Variants in REL observed in about 807,000 individuals in gnomAD.
REL encodes the protein proto-oncogene c-Rel.
In REL, 15 loss-of-function variants were observed where a neutral mutation model predicts 45.9. The ratio of observed to expected loss-of-function variants is 0.33; its 90% CI spans 0.22 to 0.50. The LOEUF is 0.50. REL is among the 20% of genes least tolerant of loss of function. The probability of loss-of-function intolerance (pLI) is 0.98; values close to 1 mark genes in which losing one functional copy is unlikely to be tolerated. For missense variants in REL, 601 were observed against 715.2 expected (o/e 0.84, Z 1.82); for synonymous variants, 239 against 242.1 (o/e 0.99, Z 0.12).
At position 60,926,534 on chromosome 2, in the gene REL, GATTT is replaced by G. The variant is rs1674271985; in HGVS notation, c.*4004_*4007del. On this transcript the variant is annotated 3_prime_UTR_variant, in exon 10 of 10. Transcript: ENST00000394479. The stretch of plus-strand genomic sequence containing the variant: ...TGTGGTAGTCAAGATTCCTCCCTGA[GATTT>G]ATTTCCCATGAGTCTTGACCCCTCC... The G allele has an allele frequency of 4.3e-6, 1 of 231,700 alleles. No homozygotes were observed. Among genetic ancestry groups the G allele is most frequent in the South Asian group, 1.8e-4 (1 of 5,500 alleles). The allele number at this position is 231,700 out of a possible 1,614,324, so 14.4% of individuals were successfully genotyped here. A position where few individuals can be genotyped will look rare whatever the true frequency, so the allele number is the denominator to read the frequency against.
chr2:60,912,499 C>G (rs574067539), intron 4 of REL, among the ~76,000 whole-genome samples: 1 of 152,158 alleles, frequency 6.6e-6, no homozygotes, highest in African/African-American at 2.4e-5. Flanking sequence ...CTATAGACAT[C>G]ATCCTAGAAG....
chr2:60,888,907 A>G (rs1317391908), intron 1 of REL, among the ~76,000 whole-genome samples: 1 of 152,200 alleles, frequency 6.6e-6, no homozygotes, highest in Non-Finnish European at 1.5e-5. Flanking sequence ...TATCAGAGAT[A>G]CCCTCATCAT....
chr2:60,896,427 T>C (rs1673353131), intron 3 of REL, among the ~76,000 whole-genome samples: 1 of 152,194 alleles, frequency 6.6e-6, no homozygotes, highest in Non-Finnish European at 1.5e-5. Context: ...GTTGTCTGGG[T>C]GGGTAAGATT....
intron 4 of REL, 95 bp downstream of exon 4, chr2:60,901,178 C>CG (rs1673487141): frequency 8.8e-7 from 1 of 1,138,816 alleles, no homozygotes; most frequent in African/African-American, 2.4e-5. Flanking sequence ...TTTTTTGAGA[C>CG]GGAGTTTTGC....
At chr2:60,910,050 C>G (rs1459996471) in intron 4 of REL, among the ~76,000 whole-genome samples, 1 of 152,092 alleles carries the variant, frequency 6.6e-6, no homozygotes, top group Non-Finnish European at 1.5e-5. Flanking sequence ...TTAATTCCTG[C>G]TTATGAAAAA....
intron 1 of REL, among the ~76,000 whole-genome samples, chr2:60,885,086 A>G (rs1280309959): frequency 2.0e-5 from 3 of 152,228 alleles, no homozygotes; most frequent in Non-Finnish European, 4.4e-5. Context: ...GAATGAGTTA[A>G]TGTAATGACT....
intron 1 of REL, among the ~76,000 whole-genome samples, chr2:60,889,512 G>A (rs10202069): frequency 2.8e-4 from 42 of 151,512 alleles, no homozygotes; most frequent in African/African-American, 9.7e-4. Flanking sequence ...TGTACACATC[G>A]TGCGGCTTTG....
At chr2:60,917,114 C>T in intron 5 of REL, 97 bp downstream of exon 5, 1 of 1,061,120 alleles carries the variant, frequency 9.4e-7, no homozygotes, top group Non-Finnish European at 1.4e-6. Flanking sequence ...ACAATATATT[C>T]ATGATAGGAA....
In REL at chr2:60,926,621, G is replaced by T. The variant is rs1480177148; in HGVS notation, c.*4086G>T. On this transcript the variant is annotated 3_prime_UTR_variant, in exon 10 of 10. Coordinates refer to ENST00000394479, the MANE Select transcript of REL (RefSeq NM_001291746.2). ...TCCGATGATCTTATCAGAGCCCACA[G>T]GTTCAGTTTTCTTTCATGCTACCTG... 4.3e-6 allele frequency: 1 copy of T among 230,468 alleles called. No individual in the cohort carries two copies. The highest frequency in any genetic ancestry group is 8.6e-6 in the Non-Finnish European group (1 of 116,334). 14.3% of individuals were successfully genotyped at this position (230,468 alleles called of 1,614,324 possible). A position where few individuals can be genotyped will look rare whatever the true frequency, so the allele number is the denominator to read the frequency against.
rs142823073 is a variant in REL, at chr2:60,895,750, C to G, written c.302+1205C>G. On this transcript the variant is annotated intron_variant, in intron 3 of 9. Coordinates refer to ENST00000394479, the MANE Select transcript of REL (RefSeq NM_001291746.2). ...ATTAATGCCTCTTGAGCCAGCTGTT[C>G]CACTTCTAGGAGTTTAGCCTCAGAA... 2.8e-4 allele frequency among the ~76,000 whole-genome samples: 42 copies of G among 152,306 alleles called. 1 individual carries two copies. In the East Asian group the frequency reaches 7.9e-3, roughly 29 times the overall value.
At chr2:60,891,300 C>T (rs1434210318) in intron 1 of REL, among the ~76,000 whole-genome samples, 1 of 152,106 alleles carries the variant, frequency 6.6e-6, no homozygotes, top group Non-Finnish European at 1.5e-5. Context: ...TATTTTACTT[C>T]TGAATACTGC....
intron 1 of REL, among the ~76,000 whole-genome samples, chr2:60,885,152 C>G (rs1340876645): frequency 6.6e-6 from 1 of 152,152 alleles, no homozygotes; most frequent in Non-Finnish European, 1.5e-5. Flanking sequence ...TGCATAGTAT[C>G]TTTCTCAAAT....
intron 1 of REL, 101 bp from the exon 2 acceptor site, chr2:60,891,582 C>T (rs1389278076): frequency 2.8e-6 from 3 of 1,054,678 alleles, no homozygotes; most frequent in African/African-American, 1.6e-5. Context: ...GGAAAAAAAT[C>T]TTTGTTTTAG....
chr2:60,923,738 C>G lies in REL; in HGVS notation c.*1203C>G. The stretch of plus-strand genomic sequence containing the variant: ...TCTTTTGACCTCTACTATTAACGCC[C>G]TATTCCAAGCCACCATCATCTCTTC... On this transcript the variant is annotated 3_prime_UTR_variant, in exon 10 of 10. Transcript: ENST00000394479. The G allele has an allele frequency of 4.3e-6, 1 of 233,190 alleles. No homozygotes were observed. The highest frequency in any genetic ancestry group is 8.5e-6 in the Non-Finnish European group (1 of 117,992). The allele number at this position is 233,190 out of a possible 1,614,324, so 14.4% of individuals were successfully genotyped here.
At chr2:60,920,020 T>C in intron 7 of REL, 21 bp from the exon 8 acceptor site, 1 of 1,541,974 alleles carries the variant, frequency 6.5e-7, no homozygotes, top group Non-Finnish European at 8.9e-7. Context: ...TTATCTGCTT[T>C]CCTGGTTTCT....
At chr2:60,909,458 T>C (rs1176287743) in intron 4 of REL, among the ~76,000 whole-genome samples, 1 of 152,180 alleles carries the variant, frequency 6.6e-6, no homozygotes, top group Non-Finnish European at 1.5e-5. Context: ...TTCATTTTTT[T>C]TTTTTCTATT....
intron 3 of REL, 28 bp downstream of exon 3, chr2:60,894,573 G>A: frequency 1.3e-6 from 2 of 1,516,750 alleles, no homozygotes; most frequent in Non-Finnish European, 1.8e-6. Context: ...GACATCTTCA[G>A]AAATAAGATA....
intron 3 of REL, among the ~76,000 whole-genome samples, chr2:60,894,851 C>CTTTTTTTTTTTTTT (rs558726227): frequency 9.4e-6 from 1 of 106,760 alleles, no homozygotes; most frequent in Non-Finnish European, 2.0e-5. Flanking sequence ...TTCACTCTGT[C>CTTTTTTTTTTTTTT]TTTTTTTTTT....
Position 60,927,190 on chromosome 2 carries a change from T to C in REL, c.*4655T>C, listed in dbSNP as rs3732179. On this transcript the variant is annotated 3_prime_UTR_variant, in exon 10 of 10. Coordinates refer to ENST00000394479, the MANE Select transcript of REL (RefSeq NM_001291746.2). ...TAGTCCCTAGTATACTAGTTGGTGC[T>C]GAATAAATAGTAGCTATTATTAGAA... 132,789 of 225,542 alleles carry C rather than the reference T, an allele frequency of 0.59. 41,842 individuals are homozygous for C. The highest frequency in any genetic ancestry group is 0.75 in the Middle Eastern group (550 of 738). The allele number at this position is 225,542 out of a possible 1,614,324, so 14.0% of individuals were successfully genotyped here. A position where few individuals can be genotyped will look rare whatever the true frequency, so the allele number is the denominator to read the frequency against.
Sources: gnomAD v4.1 joint callset for allele counts (sites outside exome capture counted in the v4.1 genomes callset) on GRCh38, gnomAD v4.1.1 for gene constraint, MANE v1.5 for transcripts, NCBI Gene and HGNC (gene_info 2026-07-23, HGNC 2026-07-21) for gene names.